PCDH15: variants seen among roughly 807,000 people sequenced by gnomAD.
PCDH15 encodes protocadherin related 15.
In PCDH15, 129 loss-of-function variants were observed where a neutral mutation model predicts 178.5. The observed-to-expected ratio is 0.72, with a 90% CI of 0.63 to 0.84. PCDH15 has a LOEUF of 0.84. Among genes scored for constraint, PCDH15 ranks in the 40% least tolerant of loss-of-function variants. The probability of loss-of-function intolerance (pLI) is 0.00; values close to 1 mark genes in which losing one functional copy is unlikely to be tolerated. For missense variants in PCDH15, 2,230 were observed against 2,099.9 expected (o/e 1.06, Z -1.21); for synonymous variants, 800 against 732.0 (o/e 1.09, Z -1.50).
At chr10:54,098,748 T>C (rs7908414) in intron 15 of PCDH15, among the ~76,000 whole-genome samples, 7,492 of 152,254 alleles carry the variant, frequency 0.049, 266 homozygotes, top group African/African-American at 0.086. Context: ...AGCCCTCTTT[T>C]ACTACTACTT....
At chr10:54,780,733 TAA>T (rs35494053) in intron 1 of PCDH15, among the ~76,000 whole-genome samples, 1,446 of 114,294 alleles carry the variant, frequency 0.013, 12 homozygotes, top group African/African-American at 0.037. Flanking sequence ...AGCAATTGTG[TAA>T]AAAAAAAAAA....
chr10:54,747,167 T>C (rs1460825158), intron 1 of PCDH15, among the ~76,000 whole-genome samples: 4 of 152,208 alleles, frequency 2.6e-5, no homozygotes, highest in African/African-American at 9.6e-5. Context: ...AAACCATCAT[T>C]GTTTTTACAA....
chr10:54,833,790 A>T (rs1325334173), intron 3 of PCDH15, among the ~76,000 whole-genome samples: 1 of 152,202 alleles, frequency 6.6e-6, no homozygotes, highest in East Asian at 1.9e-4. Flanking sequence ...TATTGTGAGT[A>T]CCAACTAATT....
At chr10:55,539,211 A>T (rs1301879815) in intron 2 of PCDH15, among the ~76,000 whole-genome samples, 1 of 152,016 alleles carries the variant, frequency 6.6e-6, no homozygotes, top group Non-Finnish European at 1.5e-5. Flanking sequence ...TTTTTGAAGT[A>T]ATACACCATT....
intron 2 of PCDH15, among the ~76,000 whole-genome samples, chr10:55,538,969 T>TTCCTCCTTTCCTTCCC (rs1564442893): frequency 4.1e-4 from 3 of 7,368 alleles, no homozygotes; most frequent in East Asian, 4.3e-3. Context: ...CCTTCCTTCC[T>TTCCTCCTTTCCTTCCC]TCCTCCTTTC....
chr10:54,241,255 G>A (rs995626916), intron 8 of PCDH15, among the ~76,000 whole-genome samples: 6 of 152,130 alleles, frequency 3.9e-5, no homozygotes, highest in Admixed American at 3.9e-4. Context: ...CTTATTCTCT[G>A]TCGTCCTCAT....
chr10:54,601,948 C>A (rs1385603068), intron 2 of PCDH15, among the ~76,000 whole-genome samples: 1 of 151,786 alleles, frequency 6.6e-6, no homozygotes, highest in African/African-American at 2.4e-5. Flanking sequence ...CACATGGACA[C>A]AAAGACAGCA....
chr10:55,200,704 T>C (rs1407266151), intron 1 of PCDH15, among the ~76,000 whole-genome samples: 1 of 152,062 alleles, frequency 6.6e-6, no homozygotes, highest in East Asian at 1.9e-4. Context: ...AGGAAAGACC[T>C]GGTGGGAGTT....
In PCDH15 at chr10:53,816,271, G is replaced by T. The variant is rs2076056519; in HGVS notation, c.4459C>A (p.Gln1487Lys). ...TRRGYGSEQQ[Q>K]LLRPSLLKPE... ...TTAAGAAGAGAGGGCCTCAGCAGTT[G>T]CTGTTGCTGTCAAAGGAAATTAAAA... The change falls in exon 35 of 38, where the codon CAA (glutamine) becomes AAA (lysine). Residue 1487 changes from glutamine (Q) to lysine (K), a missense_variant. Coordinates refer to ENST00000644397, the MANE Select transcript of PCDH15 (RefSeq NM_001384140.1). 1 of 398,750 alleles carries T rather than the reference G, an allele frequency of 2.5e-6. No individual in the cohort carries two copies. Among genetic ancestry groups the T allele is most frequent in the Admixed American group, 4.4e-5 (1 of 22,712 alleles). 24.7% of individuals were successfully genotyped at this position (398,750 alleles called of 1,614,324 possible).
intron 8 of PCDH15, among the ~76,000 whole-genome samples, chr10:54,314,435 T>C (rs1268302118): frequency 6.6e-6 from 1 of 152,076 alleles, no homozygotes; most frequent in African/African-American, 2.4e-5. Context: ...TACTTGAACC[T>C]TACATGCTTA....
At chr10:55,486,023 G>T (rs1840288934) in intron 2 of PCDH15, among the ~76,000 whole-genome samples, 1 of 151,710 alleles carries the variant, frequency 6.6e-6, no homozygotes, top group African/African-American at 2.4e-5. Context: ...ACTGATGGAT[G>T]AATTAAGTGT....
intron 9 of PCDH15, among the ~76,000 whole-genome samples, chr10:54,229,316 T>A (rs2053808827): frequency 6.6e-6 from 1 of 152,210 alleles, no homozygotes; most frequent in Admixed American, 6.5e-5. Flanking sequence ...ATGTGATATA[T>A]GAACATTGAA....
intron 2 of PCDH15, among the ~76,000 whole-genome samples, chr10:54,559,581 C>T (rs2087781071): frequency 6.6e-6 from 1 of 151,976 alleles, no homozygotes. Flanking sequence ...AATCCTCTTA[C>T]AGGAATACAG....
At chr10:54,236,506 A>G (rs549275150) in intron 9 of PCDH15, among the ~76,000 whole-genome samples, 1 of 152,116 alleles carries the variant, frequency 6.6e-6, no homozygotes, top group African/African-American at 2.4e-5. Context: ...TTAAAGCTGA[A>G]AGTTGGTGCT....
chr10:55,467,834 C>T (rs1201512472), intron 2 of PCDH15, among the ~76,000 whole-genome samples: 4 of 151,354 alleles, frequency 2.6e-5, no homozygotes, highest in South Asian at 2.1e-4. Context: ...GAAGTGGAGG[C>T]GGGCACCTGT....
chr10:54,615,710 A>AGC (rs202089907), intron 2 of PCDH15, among the ~76,000 whole-genome samples: 1 of 14,046 alleles, frequency 7.1e-5, no homozygotes, highest in African/African-American at 1.4e-4. Context: ...TACAAATAAC[A>AGC]ACGTGTGAAG....
At chr10:53,820,335 A>AAAAT (rs973330312) in intron 32 of PCDH15, 105 bp from the exon 33 acceptor site, 111 of 393,594 alleles carry the variant, frequency 2.8e-4, no homozygotes, top group African/African-American at 2.0e-3. Flanking sequence ...TGGGCTAATA[A>AAAAT]AAATAATCAG....
chr10:55,198,700 G>C (rs1488188805), intron 1 of PCDH15, among the ~76,000 whole-genome samples: 1 of 151,054 alleles, frequency 6.6e-6, no homozygotes, highest in African/African-American at 2.4e-5. Flanking sequence ...TTTCACCGTG[G>C]TCTCGATCTC....
At chr10:54,295,836 C>T (rs539088237) in intron 8 of PCDH15, among the ~76,000 whole-genome samples, 14 of 152,136 alleles carry the variant, frequency 9.2e-5, no homozygotes, top group African/African-American at 3.4e-4. Context: ...TTATCGGGCA[C>T]CTGTCGGTCA....
Sources: allele counts gnomAD v4.1 joint callset (sites outside exome capture counted in the v4.1 genomes callset), GRCh38; gene constraint gnomAD v4.1.1; transcripts MANE v1.5; gene names NCBI Gene and HGNC (gene_info 2026-07-23, HGNC 2026-07-21).